The following LRRTM4 variants were observed in gnomAD, a reference collection of about 807,000 sequenced individuals.
LRRTM4 encodes leucine-rich repeat transmembrane neuronal protein 4.
A neutral mutation model predicts 47.6 loss-of-function variants in LRRTM4; 25 were observed. That is an observed-to-expected ratio of 0.53 (90% CI 0.38 to 0.73). The LOEUF is 0.73. LRRTM4 is among the 30% of genes least tolerant of loss of function. The pLI is 0.00. For synonymous variants in LRRTM4, 311 were observed against 269.5 expected, an observed-to-expected ratio of 1.15 and a Z score of -1.51; for missense variants, 638 against 713.4, an observed-to-expected ratio of 0.89 and a Z score of 1.20.
At chr2:77,405,466 T>G (rs766614608) in intron 3 of LRRTM4, among the ~76,000 whole-genome samples, 1 of 152,110 alleles carries the variant, frequency 6.6e-6, no homozygotes, top group African/African-American at 2.4e-5. Context: ...TCTCAGACTT[T>G]GAAAGTTAGC....
intron 3 of LRRTM4, among the ~76,000 whole-genome samples, chr2:77,288,753 A>G (rs1558669994): frequency 6.6e-6 from 1 of 151,872 alleles, no homozygotes; most frequent in Non-Finnish European, 1.5e-5. Context: ...AAATACTATG[A>G]TATGTTCAAA....
intron 3 of LRRTM4, among the ~76,000 whole-genome samples, chr2:76,893,800 G>A (rs150878293): frequency 6.6e-6 from 1 of 151,842 alleles, no homozygotes; most frequent in Admixed American, 6.6e-5. Context: ...ACTCATCTAT[G>A]TGTCCCAAGG....
intron 3 of LRRTM4, among the ~76,000 whole-genome samples, chr2:77,107,078 GTAAAACATTT>G (rs1304055006): frequency 6.6e-6 from 1 of 152,058 alleles, no homozygotes; most frequent in Non-Finnish European, 1.5e-5. Context: ...TGAAAGATAA[GTAAAACATTT>G]TAAAACATGT....
chr2:77,265,406 C>G (rs923140963), intron 3 of LRRTM4, among the ~76,000 whole-genome samples: 1 of 152,048 alleles, frequency 6.6e-6, no homozygotes, highest in African/African-American at 2.4e-5. Context: ...TAGAGTCTTA[C>G]AAAAGAATGA....
chr2:77,444,002 C>T (rs1675948006), intron 3 of LRRTM4, among the ~76,000 whole-genome samples: 1 of 151,972 alleles, frequency 6.6e-6, no homozygotes, highest in African/African-American at 2.4e-5. Context: ...TTAGTCACAC[C>T]ATAAGAGCTT....
At chr2:77,410,272 T>G (rs76266304) in intron 3 of LRRTM4, among the ~76,000 whole-genome samples, 1 of 151,678 alleles carries the variant, frequency 6.6e-6, no homozygotes, top group Non-Finnish European at 1.5e-5. Context: ...GTAACTAGAG[T>G]CTGATATTGG....
At chr2:76,852,622 A>G (rs1672031079) in intron 3 of LRRTM4, among the ~76,000 whole-genome samples, 1 of 152,198 alleles carries the variant, frequency 6.6e-6, no homozygotes, top group African/African-American at 2.4e-5. Flanking sequence ...GCCATGTAGT[A>G]CATTCATAAT....
At chr2:77,167,950 T>A (rs955802547) in intron 3 of LRRTM4, among the ~76,000 whole-genome samples, 18 of 152,110 alleles carry the variant, frequency 1.2e-4, no homozygotes, top group Non-Finnish European at 5.9e-5. Context: ...TAAAGTATAA[T>A]GATAATAAAG....
intron 3 of LRRTM4, among the ~76,000 whole-genome samples, chr2:76,883,206 T>C (rs139398690): frequency 1.0e-3 from 156 of 152,312 alleles, no homozygotes; most frequent in African/African-American, 3.6e-3. Context: ...TTTCTACCAG[T>C]CTCTTTCCTC....
At chr2:76,775,885 C>T (rs79987405) in intron 3 of LRRTM4, among the ~76,000 whole-genome samples, 1 of 152,056 alleles carries the variant, frequency 6.6e-6, no homozygotes, top group Non-Finnish European at 1.5e-5. Flanking sequence ...TTAGGTATGT[C>T]TCCCAATGCT....
At chr2:76,905,306 AAACT>A (rs1179546426) in intron 3 of LRRTM4, among the ~76,000 whole-genome samples, 1 of 152,160 alleles carries the variant, frequency 6.6e-6, no homozygotes, top group Non-Finnish European at 1.5e-5. Flanking sequence ...GTTAGAAGGA[AAACT>A]AACAAACAGA....
chr2:77,195,874 T>C (rs1378706216), intron 3 of LRRTM4, among the ~76,000 whole-genome samples: 2 of 152,108 alleles, frequency 1.3e-5, no homozygotes, highest in Non-Finnish European at 2.9e-5. Context: ...GGGTGTGTGG[T>C]CACTGTACAG....
chr2:77,113,131 T>C (rs1671295118), intron 3 of LRRTM4, among the ~76,000 whole-genome samples: 1 of 152,082 alleles, frequency 6.6e-6, no homozygotes, highest in African/African-American at 2.4e-5. Flanking sequence ...TGGGCATAAA[T>C]ATCAGAGAAG....
intron 3 of LRRTM4, among the ~76,000 whole-genome samples, chr2:77,409,142 G>T (rs1674323618): frequency 6.6e-6 from 1 of 152,064 alleles, no homozygotes; most frequent in Admixed American, 6.6e-5. Context: ...TTCTCCACAG[G>T]ATTAATATTA....
intron 3 of LRRTM4, among the ~76,000 whole-genome samples, chr2:76,994,807 G>C (rs770582374): frequency 1.3e-5 from 2 of 151,878 alleles, no homozygotes; most frequent in South Asian, 2.1e-4. Flanking sequence ...CTGCTGTTTT[G>C]ATGAATGTGT....
At chr2:77,513,795 AC>A (rs1679108266) in intron 3 of LRRTM4, among the ~76,000 whole-genome samples, 1 of 152,000 alleles carries the variant, frequency 6.6e-6, no homozygotes, top group Non-Finnish European at 1.5e-5. Context: ...AAAACTCTTG[AC>A]CTCAAGTAAT....
At chr2:77,144,697 G>A (rs1672210011) in intron 3 of LRRTM4, among the ~76,000 whole-genome samples, 1 of 152,098 alleles carries the variant, frequency 6.6e-6, no homozygotes, top group African/African-American at 2.4e-5. Flanking sequence ...AGTCATAAAT[G>A]TGATAGAATT....
intron 3 of LRRTM4, among the ~76,000 whole-genome samples, chr2:76,904,956 G>C (rs996193218): frequency 5.3e-5 from 8 of 152,182 alleles, no homozygotes; most frequent in East Asian, 1.9e-4. Context: ...CAGAAGATGG[G>C]TGATTTCTGC....
intron 3 of LRRTM4, among the ~76,000 whole-genome samples, chr2:76,776,752 CT>C (rs1401962438): frequency 7.0e-6 from 1 of 143,032 alleles, no homozygotes; most frequent in African/African-American, 2.6e-5. Flanking sequence ...TGCAGAAGCT[CT>C]TTAGTTTAAT....
Sources: gnomAD v4.1 joint callset for allele counts (sites outside exome capture counted in the v4.1 genomes callset) on GRCh38, gnomAD v4.1.1 for gene constraint, MANE v1.5 for transcripts, NCBI Gene and HGNC (gene_info 2026-07-23, HGNC 2026-07-21) for gene names.